CYP24A1: variants seen among roughly 807,000 people sequenced by gnomAD.
CYP24A1 encodes cytochrome P450 family 24 subfamily A member 1.
A neutral mutation model predicts 62.4 loss-of-function variants in CYP24A1; 68 were observed. The observed-to-expected ratio is 1.09, with a 90% CI of 0.90 to 1.33. CYP24A1 has a LOEUF of 1.33. Ranked by LOEUF, CYP24A1 falls within the 40% of genes most tolerant of loss-of-function variation. The pLI is 0.00. For missense variants in CYP24A1, 787 were observed against 653.0 expected (o/e 1.21, Z -2.24); for synonymous variants, 267 against 253.0 (o/e 1.06, Z -0.52).
At chr20:54,145,710 C>T in the CYP24A1 span, among the ~76,000 whole-genome samples, 5 of 151,900 alleles carry the variant, frequency 3.3e-5, no homozygotes, top group Non-Finnish European at 7.4e-5. Context: ...AACACAATTG[C>T]CTGCTTCATC....
Position 54,162,658 on chromosome 20 carries a change from G to C in CYP24A1, c.990+59C>G. On this transcript the variant is annotated intron_variant, in intron 7 of 11. Transcript: ENST00000216862. Reference sequence around the variant, plus strand: ...TGAGATGAATTACTATTTAAAATCTGTCATCTAAAAATGGTACAGACCGTT... The same window carrying C: ...TGAGATGAATTACTATTTAAAATCTCTCATCTAAAAATGGTACAGACCGTT... 3 of 1,005,732 alleles carry C rather than the reference G, an allele frequency of 3.0e-6. No individual in the cohort carries two copies. The East Asian group carries it at 8.1e-5, about 27-fold the overall frequency. The allele number at this position is 1,005,732 out of a possible 1,614,324, so 62.3% of individuals were successfully genotyped here.
chr20:54,146,041 A>G, the CYP24A1 span, among the ~76,000 whole-genome samples: 2 of 152,222 alleles, frequency 1.3e-5, no homozygotes, highest in Non-Finnish European at 2.9e-5. Context: ...GTACCTTGAA[A>G]ATTCATCCTG....
At chr20:54,152,029 G>A (rs2092613391), downstream of CYP24A1, among the ~76,000 whole-genome samples, 1 of 152,176 alleles carries the variant, frequency 6.6e-6, no homozygotes, top group South Asian at 2.1e-4. Context: ...GGCCATGTCA[G>A]TGTCGGCTCC....
chr20:54,144,740 A>C, the CYP24A1 span, among the ~76,000 whole-genome samples: 1 of 151,030 alleles, frequency 6.6e-6, no homozygotes. Context: ...GGCCCTGCAA[A>C]TTATGTAGCC....
In CYP24A1 at chr20:54,173,836, G is replaced by A. The variant is rs1009652736; in HGVS notation, c.-257C>T. ...CCGCAGGGGCTGGAAGAGGGTGGCCGGTGTCTGGGGACCTCTTGAAAAGGG... is the reference window on the plus strand; with the variant it reads ...CCGCAGGGGCTGGAAGAGGGTGGCCAGTGTCTGGGGACCTCTTGAAAAGGG... On this transcript the variant is annotated 5_prime_UTR_variant, in exon 1 of 12. Coordinates refer to ENST00000216862, the MANE Select transcript of CYP24A1 (RefSeq NM_000782.5). The surrounding 1 kb of genome is among the most constrained non-coding windows in gnomAD (Gnocchi z 7.2). 11 of 562,250 alleles carry A rather than the reference G, an allele frequency of 2.0e-5. No homozygotes were observed. Among genetic ancestry groups the A allele is most frequent in the Non-Finnish European group, 3.2e-5 (10 of 315,314 alleles). The allele number at this position is 562,250 out of a possible 1,614,324, so 34.8% of individuals were successfully genotyped here. A position where few individuals can be genotyped will look rare whatever the true frequency, so the allele number is the denominator to read the frequency against.
At chr20:54,144,132 T>G in the CYP24A1 span, among the ~76,000 whole-genome samples, 18 of 152,144 alleles carry the variant, frequency 1.2e-4, no homozygotes, top group African/African-American at 3.9e-4. Flanking sequence ...TGCTTAGAAG[T>G]ACCTTGCTCA....
At chr20:54,151,537 T>C (rs1397580404), downstream of CYP24A1, among the ~76,000 whole-genome samples, 2 of 151,770 alleles carry the variant, frequency 1.3e-5, no homozygotes, top group African/African-American at 4.8e-5. Context: ...ATCAATTTTG[T>C]ATACTTTTAT....
intron 3 of CYP24A1, 143 bp downstream of exon 3, chr20:54,171,434 A>G (rs530710275): frequency 6.6e-7 from 1 of 1,517,198 alleles, no homozygotes; most frequent in South Asian, 1.2e-5. Context: ...TGTAGGAAGG[A>G]ATGGAGAGAA....
intron 6 of CYP24A1, 56 bp downstream of exon 6, chr20:54,164,396 T>G: frequency 6.2e-7 from 1 of 1,613,350 alleles, no homozygotes; most frequent in Admixed American, 1.7e-5. Context: ...TCTCTGAAGC[T>G]CCAGACACGG....
chr20:54,173,247 G>T lies in CYP24A1; in HGVS notation c.258+75C>A, dbSNP rs1276841386. Reference sequence around the variant, plus strand: ...CGCACCATGCGCCCGAGGCGCGCATGTCGGGGAGGGTTTGGAGCGCCACTG... The same window carrying T: ...CGCACCATGCGCCCGAGGCGCGCATTTCGGGGAGGGTTTGGAGCGCCACTG... On this transcript the variant is annotated intron_variant, in intron 1 of 11. Coordinates refer to ENST00000216862, the MANE Select transcript of CYP24A1 (RefSeq NM_000782.5). The surrounding 1 kb of genome is among the most constrained non-coding windows in gnomAD (Gnocchi z 7.2). The T allele has an allele frequency of 6.6e-6, 10 of 1,526,266 alleles. No individual in the cohort carries two copies. The highest frequency in any genetic ancestry group is 1.7e-5 in the Admixed American group (1 of 57,306). The allele number at this position is 1,526,266 out of a possible 1,614,324, so 94.5% of individuals were successfully genotyped here.
rs1283191061 is a variant in CYP24A1 at position 54,173,029 on chromosome 20, C to G, written c.329G>C (p.Gly110Ala). The G allele has an allele frequency of 6.2e-7, 1 of 1,609,962 alleles. No homozygotes were observed. Among genetic ancestry groups the G allele is most frequent in the Admixed American group, 1.7e-5 (1 of 60,002 alleles). ...KLGSFESVHL[G>A]SPCLLEALYR... The stretch of plus-strand genomic sequence containing the variant: ...CAGCGCTTCCAGCAGGCATGGCGAG[C>G]CCAGGTGCACCGACTCAAAGGAACC... Residue 110 changes from glycine (G) to alanine (A), a missense_variant, in exon 2 of 12, where the codon GGC (glycine) becomes GCC (alanine). By Grantham distance (60) the Gly-to-Ala change is moderately conservative. Transcript: ENST00000216862. The surrounding 1 kb of genome is among the most constrained non-coding windows in gnomAD (Gnocchi z 7.2).
intron 4 of CYP24A1, among the ~76,000 whole-genome samples, chr20:54,168,846 T>TC (rs2092682979): frequency 1.1e-4 from 5 of 43,508 alleles, no homozygotes; most frequent in African/African-American, 4.6e-4. Flanking sequence ...CTCCCTCCCT[T>TC]CTTCCTTCCT....
At chr20:54,164,095 C>T (rs1456936534) in intron 6 of CYP24A1, among the ~76,000 whole-genome samples, 1 of 152,100 alleles carries the variant, frequency 6.6e-6, no homozygotes, top group African/African-American at 2.4e-5. Context: ...ACCACCACGC[C>T]CAGCTAATTT....
intron 3 of CYP24A1, among the ~76,000 whole-genome samples, chr20:54,170,301 CA>C (rs1309074076): frequency 1.3e-5 from 2 of 152,112 alleles, no homozygotes; most frequent in East Asian, 3.9e-4. Context: ...CATATGGTAC[CA>C]AACACTGTAC....
rs1482595632 is a variant in CYP24A1 at position 54,154,731 on chromosome 20, A to C, written c.*41T>G. On this transcript the variant is annotated 3_prime_UTR_variant, in exon 12 of 12. Coordinates refer to ENST00000216862, the MANE Select transcript of CYP24A1 (RefSeq NM_000782.5). ...TCCCAGCACTCAGTCCGCTTCCCTG[A>C]GTTGGATATGATGTTAGCAAATACC... The C allele has an allele frequency of 6.5e-6, 1 of 153,420 alleles. No individual in the cohort carries two copies. 9.5% of individuals were successfully genotyped at this position (153,420 alleles called of 1,614,324 possible).
chr20:54,164,561 C>G lies in CYP24A1; in HGVS notation c.735G>C (p.Met245Ile), dbSNP rs114930663. ...AVNFIMAIKT[M>I]MSTFGRMMVT... ...CCATCATCCTCCCAAACGTGCTCAT[C>G]ATCTGAGAGAAATGCAAATGCCTTT... Residue 245 changes from methionine (M) to isoleucine (I), a missense_variant and splice_region_variant, in exon 6 of 12, where the codon ATG becomes ATC. Coordinates refer to ENST00000216862, the MANE Select transcript of CYP24A1 (RefSeq NM_000782.5). The G allele has an allele frequency of 6.2e-7, 1 of 1,614,160 alleles. No homozygotes were observed. Among genetic ancestry groups the G allele is most frequent in the Admixed American group, 1.7e-5 (1 of 60,020 alleles).
At chr20:54,145,639 CAAAAA>C in the CYP24A1 span, among the ~76,000 whole-genome samples, 3 of 93,846 alleles carry the variant, frequency 3.2e-5, no homozygotes, top group Admixed American at 1.1e-4. Flanking sequence ...GACTCTGTCT[CAAAAA>C]AAAAAAAAAA....
the CYP24A1 span, among the ~76,000 whole-genome samples, chr20:54,147,250 A>G: frequency 1.3e-5 from 2 of 152,242 alleles, no homozygotes; most frequent in South Asian, 2.1e-4. Flanking sequence ...CAGGTTATAG[A>G]AAAGGACTAA....
Position 54,157,437 on chromosome 20 carries a change from C to T in CYP24A1, c.1385G>A (p.Cys462Tyr), listed in dbSNP as rs549626881. 2.6e-5 allele frequency: 41 copies of T among 1,607,568 alleles called. 1 individual carries two copies. The South Asian group carries it at 3.7e-4, about 15-fold the overall frequency. ...AAGCTCTGCTAATCGGCGACCAATG[C>T]ACATTCTTTTTCCAACGCCAAATGG... ...HLPFGVGKRMCIGRRLAELQL... is the reference protein window; with the variant it reads ...HLPFGVGKRMYIGRRLAELQL... The change falls in exon 10 of 12, where the codon TGC becomes TAC. Residue 462 changes from cysteine (C) to tyrosine (Y), a missense_variant. By Grantham distance (194) the Cys-to-Tyr change is radical. Coordinates refer to ENST00000216862, the MANE Select transcript of CYP24A1 (RefSeq NM_000782.5).
Sources: allele counts gnomAD v4.1 joint callset (sites outside exome capture counted in the v4.1 genomes callset), GRCh38; gene constraint gnomAD v4.1.1; non-coding constraint Gnocchi (gnomAD v3.1); transcripts MANE v1.5; gene names NCBI Gene and HGNC (gene_info 2026-07-23, HGNC 2026-07-21).